CEP112: variants seen among roughly 807,000 people sequenced by gnomAD.
The protein encoded by CEP112 is centrosomal protein of 112 kDa.
In CEP112, 127 loss-of-function variants were observed where a neutral mutation model predicts 153.0. The observed-to-expected ratio is 0.83, with a 90% CI of 0.72 to 0.96. CEP112 has a LOEUF of 0.96. Ranked by LOEUF, CEP112 falls within the 40% of genes least tolerant of loss-of-function variation. CEP112 has a pLI of 0.00. For missense variants in CEP112, 1,089 were observed against 1,101.2 expected, an observed-to-expected ratio of 0.99 and a Z score of 0.16; for synonymous variants, 358 against 374.4, an observed-to-expected ratio of 0.96 and a Z score of 0.51.
chr17:65,646,339 C>T (rs923335328), intron 24 of CEP112, among the ~76,000 whole-genome samples: 3 of 152,192 alleles, frequency 2.0e-5, no homozygotes, highest in Admixed American at 6.5e-5. Flanking sequence ...TATGAAATTA[C>T]CTCATGTGTG....
intron 18 of CEP112, among the ~76,000 whole-genome samples, chr17:65,958,710 A>G (rs1599145963): frequency 6.6e-6 from 1 of 152,296 alleles, no homozygotes; most frequent in Middle Eastern, 3.4e-3. Flanking sequence ...CCTGGGCACC[A>G]TGAACAGCAG....
chr17:65,653,927 T>C (rs2045920494), intron 24 of CEP112, among the ~76,000 whole-genome samples: 1 of 150,696 alleles, frequency 6.6e-6, no homozygotes, highest in Non-Finnish European at 1.5e-5. Flanking sequence ...GGCGTGGTGG[T>C]GCGCACCTGT....
intron 21 of CEP112, among the ~76,000 whole-genome samples, chr17:65,805,867 C>A (rs1445151927): frequency 2.0e-5 from 3 of 152,150 alleles, no homozygotes; most frequent in Non-Finnish European, 2.9e-5. Flanking sequence ...TATGGAAACA[C>A]CTTCATTCTC....
chr17:65,717,620 T>C (rs1052726432), intron 23 of CEP112, among the ~76,000 whole-genome samples: 1 of 152,220 alleles, frequency 6.6e-6, no homozygotes, highest in African/African-American at 2.4e-5. Context: ...ACAGTGGGCC[T>C]ACTTTATGGA....
At chr17:65,641,130 G>A in intron 24 of CEP112, 65 bp from the exon 25 acceptor site, 1 of 878,710 alleles carries the variant, frequency 1.1e-6, no homozygotes, top group African/African-American at 1.6e-5. Context: ...GATTTAAGAA[G>A]TCCCAGAACA....
chr17:66,128,512 T>C (rs1023828747), intron 6 of CEP112, among the ~76,000 whole-genome samples: 1 of 152,026 alleles, frequency 6.6e-6, no homozygotes, highest in Non-Finnish European at 1.5e-5. Flanking sequence ...CTAATGTCAG[T>C]GAATAGGTGG....
intron 6 of CEP112, among the ~76,000 whole-genome samples, chr17:66,123,213 T>C (rs750316307): frequency 6.6e-6 from 1 of 152,214 alleles, no homozygotes; most frequent in Non-Finnish European, 1.5e-5. Flanking sequence ...CTATCAGTCT[T>C]GGCTGAGTGG....
At chr17:65,682,598 C>T (rs1232258186) in intron 24 of CEP112, among the ~76,000 whole-genome samples, 1 of 152,182 alleles carries the variant, frequency 6.6e-6, no homozygotes. Context: ...TCCTGACACA[C>T]AACACAGCGC....
chr17:65,965,513 G>T (rs1599168758), intron 17 of CEP112, among the ~76,000 whole-genome samples: 1 of 109,122 alleles, frequency 9.2e-6, no homozygotes, highest in African/African-American at 3.0e-5. Flanking sequence ...GAAACCTTCT[G>T]CCCCCTTTTT....
At chr17:65,655,629 GCTTTT>G (rs769281037) in intron 24 of CEP112, among the ~76,000 whole-genome samples, 1 of 151,956 alleles carries the variant, frequency 6.6e-6, no homozygotes, top group Non-Finnish European at 1.5e-5. Context: ...TACAGATTTA[GCTTTT>G]CTTTTGTTAT....
At chr17:65,939,592 A>G (rs1356628613) in intron 18 of CEP112, among the ~76,000 whole-genome samples, 1 of 152,232 alleles carries the variant, frequency 6.6e-6, no homozygotes, top group African/African-American at 2.4e-5. Context: ...ACATCCATTT[A>G]TAGACAATTG....
intron 8 of CEP112, among the ~76,000 whole-genome samples, chr17:66,076,468 G>C (rs2067502844): frequency 1.3e-5 from 2 of 152,064 alleles, no homozygotes; most frequent in Non-Finnish European, 2.9e-5. Context: ...GCATGACTCA[G>C]CAGAGGCAGC....
intron 21 of CEP112, among the ~76,000 whole-genome samples, chr17:65,816,356 T>C (rs1394058983): frequency 6.6e-6 from 1 of 151,884 alleles, no homozygotes; most frequent in Non-Finnish European, 1.5e-5. Context: ...AGTTCTTTAG[T>C]GGTGATCTGT....
intron 21 of CEP112, among the ~76,000 whole-genome samples, chr17:65,834,006 T>C (rs1042775288): frequency 2.6e-5 from 4 of 151,974 alleles, no homozygotes; most frequent in African/African-American, 7.2e-5. Flanking sequence ...AACAGACACA[T>C]AGACCAATGA....
chr17:65,785,587 A>T lies in CEP112; in HGVS notation c.2395-34863T>A, dbSNP rs140426696. Among the ~76,000 whole-genome samples the T allele has an allele frequency of 9.2e-5, 14 of 152,044 alleles. No individual in the cohort carries two copies. The East Asian group carries it at 2.7e-3, about 29-fold the overall frequency. On this transcript the variant is annotated intron_variant, in intron 21 of 26. Transcript: ENST00000535342. The stretch of plus-strand genomic sequence containing the variant: ...CCTTCTATCTGTGGGTTGTTCTTTT[A>T]CTTTCTTGGAAGTTTCCTTTAAAGC...
intron 21 of CEP112, among the ~76,000 whole-genome samples, chr17:65,786,129 C>T (rs1247896155): frequency 2.0e-5 from 3 of 151,936 alleles, no homozygotes; most frequent in Admixed American, 1.3e-4. Context: ...ACATATTTTG[C>T]ACTTCTTTTG....
intron 24 of CEP112, among the ~76,000 whole-genome samples, chr17:65,669,795 C>T (rs746047712): frequency 2.2e-4 from 34 of 151,592 alleles, no homozygotes; most frequent in Non-Finnish European, 4.6e-4. Context: ...CCCAGCTACT[C>T]AGGAGGCTGA....
chr17:65,996,947 G>A (rs1045326353), intron 17 of CEP112, among the ~76,000 whole-genome samples: 6 of 152,124 alleles, frequency 3.9e-5, no homozygotes, highest in African/African-American at 1.4e-4. Context: ...GGTGGCCCAC[G>A]GCTGTAATCC....
intron 20 of CEP112, 123 bp downstream of exon 20, chr17:65,902,029 A>G: frequency 2.6e-6 from 1 of 391,306 alleles, no homozygotes; most frequent in Non-Finnish European, 4.4e-6. Context: ...AAAAAATCAC[A>G]TTTATATGTC....
Sources: allele counts gnomAD v4.1 joint callset (sites outside exome capture counted in the v4.1 genomes callset), GRCh38; gene constraint gnomAD v4.1.1; transcripts MANE v1.5; gene names NCBI Gene and HGNC (gene_info 2026-07-23, HGNC 2026-07-21).